The following SYT17 variants were observed in gnomAD, a reference collection of about 807,000 sequenced individuals.
SYT17 encodes the protein synaptotagmin-17.
In SYT17, 22 loss-of-function variants were observed where a neutral mutation model predicts 46.7. The ratio of observed to expected loss-of-function variants is 0.47; its 90% CI spans 0.34 to 0.67. The LOEUF (loss-of-function observed/expected upper bound fraction) is 0.67, where lower values mean the gene tolerates loss of function less well. Among genes scored for constraint, SYT17 ranks in the 30% least tolerant of loss-of-function variants. The pLI is 0.01. For synonymous variants in SYT17, 251 were observed against 248.4 expected, an observed-to-expected ratio of 1.01 and a Z score of -0.10; for missense variants, 519 against 612.8, an observed-to-expected ratio of 0.85 and a Z score of 1.62.
chr16:19,209,240 G>C (rs1965795374), intron 5 of SYT17, among the ~76,000 whole-genome samples: 1 of 152,000 alleles, frequency 6.6e-6, no homozygotes, highest in South Asian at 2.1e-4. Flanking sequence ...ATTTTGGGGA[G>C]GGAAATAATT....
rs537395970 is a variant in SYT17, at chr16:19,175,909, G to A, written c.182+2331G>A. On this transcript the variant is annotated intron_variant, in intron 3 of 7. Transcript: ENST00000355377. ...ATTTCTTAAGTACAGTGTGCCAGGC[G>A]CTGTGGTATACACAGGGCTAGATAG... Among the ~76,000 whole-genome samples the A allele has an allele frequency of 7.9e-5, 12 of 152,252 alleles. No individual in the cohort carries two copies. The South Asian group carries it at 2.1e-3, about 26-fold the overall frequency.
rs1032068125 is a variant in SYT17 at position 19,174,570 on chromosome 16, C to A, written c.182+992C>A. Among the ~76,000 whole-genome samples, 3 of 152,298 alleles carry A rather than the reference C, an allele frequency of 2.0e-5. No homozygotes were observed. In the South Asian group the frequency reaches 6.2e-4, roughly 32 times the overall value. ...GCTCATGCCTCAGGCCTCTCATTTT[C>A]TCTTCTTAGAAGCAAGTATCAAATA... On this transcript the variant is annotated intron_variant, in intron 3 of 7. Transcript: ENST00000355377.
chr16:19,183,808 C>A lies in SYT17; in HGVS notation c.612C>A (p.Arg204=), dbSNP rs11541511. The part of the protein sequence containing the change: ...YDLLHNHLTV[R]VIEARDLPPP... ...TGCTGCACAACCACCTCACCGTGCG[C>A]GTGATCGAGGCCAGGGACCTGCCAC... is the stretch of plus-strand genomic sequence containing the variant. Residue 204 remains arginine (R), a synonymous_variant, in exon 5 of 8, where the codon CGC becomes CGA. Transcript: ENST00000355377. The surrounding 1 kb of genome is among the most constrained non-coding windows in gnomAD (Gnocchi z 5.6). 6.2e-7 allele frequency: 1 copy of A among 1,613,990 alleles called. No homozygotes were observed. Among genetic ancestry groups the A allele is most frequent in the African/African-American group, 1.3e-5 (1 of 74,914 alleles).
rs755788362 is a variant in SYT17 at position 19,184,052 on chromosome 16, C to T, written c.856C>T (p.Arg286Cys). Reference protein sequence around the residue: ...LTVVDFDKFSRHCVIGKVSVP... With the variant: ...LTVVDFDKFSCHCVIGKVSVP... ...CGTGGTGGATTTTGATAAGTTCTCC[C>T]GCCACTGTGTCATTGGGAAAGTTTC... Residue 286 changes from arginine to cysteine, a missense_variant, in exon 5 of 8, where the codon CGC (arginine) becomes TGC (cysteine). Physicochemically the swap from Arg to Cys is radical, Grantham distance 180 (BLOSUM62 -3). Coordinates refer to ENST00000355377, the MANE Select transcript of SYT17 (RefSeq NM_016524.4). The T allele has an allele frequency of 2.9e-5, 47 of 1,614,020 alleles. No individual in the cohort carries two copies. Among genetic ancestry groups the T allele is most frequent in the African/African-American group, 9.3e-5 (7 of 74,900 alleles).
intron 5 of SYT17, among the ~76,000 whole-genome samples, chr16:19,204,041 T>C (rs898719043): frequency 6.6e-5 from 10 of 152,164 alleles, no homozygotes; most frequent in African/African-American, 2.4e-4. Flanking sequence ...GGGGAGGCCC[T>C]GGTCAGATTT....
chr16:19,215,423 T>G (rs1966057151), intron 5 of SYT17, among the ~76,000 whole-genome samples: 1 of 152,142 alleles, frequency 6.6e-6, no homozygotes. Flanking sequence ...TTTGGCTGCT[T>G]TATTTTATTT....
intron 5 of SYT17, among the ~76,000 whole-genome samples, chr16:19,217,979 G>A (rs1363074145): frequency 6.6e-6 from 1 of 152,222 alleles, no homozygotes; most frequent in African/African-American, 2.4e-5. Flanking sequence ...GAAACCTTGT[G>A]TAAGGGTTAA....
At chr16:19,209,898 A>AAAAC (rs1965830338) in intron 5 of SYT17, among the ~76,000 whole-genome samples, 3 of 69,606 alleles carry the variant, frequency 4.3e-5, no homozygotes, top group African/African-American at 2.6e-4. Context: ...AAAACAAAAC[A>AAAAC]AAAACAACAA....
intron 7 of SYT17, among the ~76,000 whole-genome samples, chr16:19,243,173 G>A (rs1325740023): frequency 6.6e-6 from 1 of 152,184 alleles, no homozygotes; most frequent in Non-Finnish European, 1.5e-5. Context: ...GGTGGGTGAA[G>A]AGTCAGTAGG....
intron 7 of SYT17, among the ~76,000 whole-genome samples, chr16:19,254,521 T>C (rs1432308869): frequency 6.6e-6 from 1 of 152,110 alleles, no homozygotes; most frequent in African/African-American, 2.4e-5. Context: ...AAAAATGAAA[T>C]TGGAAGATCA....
chr16:19,171,602 G>A (rs1237203016), intron 1 of SYT17: 1 of 152,094 alleles, frequency 6.6e-6, no homozygotes, highest in Non-Finnish European at 1.5e-5. Flanking sequence ...TGTGATTATA[G>A]GCATCAGCCA....
At chr16:19,227,110 AT>A (rs1966523763) in intron 7 of SYT17, among the ~76,000 whole-genome samples, 1 of 152,068 alleles carries the variant, frequency 6.6e-6, no homozygotes, top group South Asian at 2.1e-4. Flanking sequence ...ACTTCACAGG[AT>A]TGTTATTTGC....
intron 7 of SYT17, among the ~76,000 whole-genome samples, chr16:19,239,117 A>C (rs1966904712): frequency 6.6e-6 from 1 of 152,028 alleles, no homozygotes; most frequent in Non-Finnish European, 1.5e-5. Flanking sequence ...ATCTCTACAA[A>C]AAGTAAATGA....
chr16:19,195,628 G>A (rs997273684), intron 5 of SYT17, among the ~76,000 whole-genome samples: 1 of 152,124 alleles, frequency 6.6e-6, no homozygotes, highest in Non-Finnish European at 1.5e-5. Flanking sequence ...GCTGAAGCAG[G>A]AGAATCGCTT....
chr16:19,199,732 GTCTC>G (rs1350441629), intron 5 of SYT17, among the ~76,000 whole-genome samples: 2 of 143,168 alleles, frequency 1.4e-5, no homozygotes, highest in Non-Finnish European at 3.0e-5. Context: ...GCAAGACCCT[GTCTC>G]AAGAAAACAA....
In SYT17 at chr16:19,197,470, A is replaced by G. The variant is rs113009625; in HGVS notation, c.951+13323A>G. Among the ~76,000 whole-genome samples the G allele has an allele frequency of 5.3e-3, 796 of 151,008 alleles. 5 individuals are homozygous for G. The highest frequency in any genetic ancestry group is 0.018 in the African/African-American group (746 of 41,080). Reference sequence around the variant, plus strand: ...TGTTATTATTATTATTTTTTTTGAGACAGGGTCTCACTCTGTTGCCCAGAA... The same window carrying G: ...TGTTATTATTATTATTTTTTTTGAGGCAGGGTCTCACTCTGTTGCCCAGAA... On this transcript the variant is annotated intron_variant, in intron 5 of 7. Coordinates refer to ENST00000355377, the MANE Select transcript of SYT17 (RefSeq NM_016524.4).
chr16:19,200,261 C>T (rs2106670), intron 5 of SYT17, among the ~76,000 whole-genome samples: 35,798 of 152,074 alleles, frequency 0.24, 4,616 homozygotes, highest in Middle Eastern at 0.31. Flanking sequence ...TATACATGGG[C>T]CCATATACAT....
intron 4 of SYT17, 140 bp downstream of exon 4, chr16:19,180,679 G>A (rs764557775): frequency 2.2e-5 from 22 of 991,722 alleles, no homozygotes; most frequent in Non-Finnish European, 3.1e-5. Flanking sequence ...GGGCGAGAGA[G>A]AGATAATGAC....
intron 5 of SYT17, among the ~76,000 whole-genome samples, chr16:19,193,275 G>A (rs1335142414): frequency 6.6e-6 from 1 of 152,202 alleles, no homozygotes; most frequent in East Asian, 1.9e-4. Flanking sequence ...GTGCTCTTAG[G>A]CATTCATGTA....
Sources: gnomAD v4.1 joint callset for allele counts (sites outside exome capture counted in the v4.1 genomes callset) on GRCh38, gnomAD v4.1.1 for gene constraint, Gnocchi (gnomAD v3.1) non-coding constraint, MANE v1.5 for transcripts, NCBI Gene and HGNC (gene_info 2026-07-23, HGNC 2026-07-21) for gene names.